The following HPSE2 variants were observed in gnomAD, a reference collection of about 807,000 sequenced individuals.
HPSE2 encodes the protein inactive heparanase-2.
In HPSE2, 38 loss-of-function variants were observed where a neutral mutation model predicts 60.5. That is an observed-to-expected ratio of 0.63 (90% CI 0.48 to 0.82). The LOEUF is 0.82. Among genes scored for constraint, HPSE2 ranks in the 40% least tolerant of loss-of-function variants. The pLI is 0.00. For missense variants in HPSE2, 713 were observed against 740.4 expected (o/e 0.96, Z 0.43); for synonymous variants, 295 against 293.2 (o/e 1.01, Z -0.06).
chr10:98,664,386 G>A (rs1216841933), intron 6 of HPSE2, among the ~76,000 whole-genome samples: 1 of 152,112 alleles, frequency 6.6e-6, no homozygotes, highest in Non-Finnish European at 1.5e-5. Flanking sequence ...ACCTTCTTCT[G>A]CAGGGCCAGT....
At chr10:98,602,927 G>A (rs1471017055) in intron 9 of HPSE2, among the ~76,000 whole-genome samples, 1 of 152,114 alleles carries the variant, frequency 6.6e-6, no homozygotes, top group African/African-American at 2.4e-5. Context: ...CCAAAAAATA[G>A]ATAAATTAGA....
chr10:98,799,715 C>A (rs1950862830), intron 3 of HPSE2, among the ~76,000 whole-genome samples: 1 of 150,994 alleles, frequency 6.6e-6, no homozygotes, highest in African/African-American at 2.4e-5. Flanking sequence ...AAGAAAATTG[C>A]AAAATTTCTT....
intron 3 of HPSE2, among the ~76,000 whole-genome samples, chr10:99,005,273 A>G (rs1956865843): frequency 7.1e-6 from 1 of 139,956 alleles, no homozygotes; most frequent in Admixed American, 7.1e-5. Context: ...CTCTTCTTGA[A>G]ATCCTATAAC....
chr10:98,855,045 A>G (rs926561510), intron 3 of HPSE2, among the ~76,000 whole-genome samples: 1 of 152,140 alleles, frequency 6.6e-6, no homozygotes, highest in Non-Finnish European at 1.5e-5. Context: ...AGAGAAAGTT[A>G]AAAAATCTCA....
intron 6 of HPSE2, among the ~76,000 whole-genome samples, chr10:98,687,155 G>T (rs1312375378): frequency 1.3e-5 from 2 of 152,034 alleles, no homozygotes; most frequent in Non-Finnish European, 2.9e-5. Context: ...GTAGCTTAAA[G>T]CAATCCAAAT....
At chr10:98,548,628 A>AT (rs201453158) in intron 9 of HPSE2, among the ~76,000 whole-genome samples, 1 of 151,596 alleles carries the variant, frequency 6.6e-6, no homozygotes. Flanking sequence ...AAAAAAAAAA[A>AT]AAGAAATTTA....
intron 4 of HPSE2, among the ~76,000 whole-genome samples, chr10:98,740,697 A>C (rs1272287768): frequency 6.6e-6 from 1 of 152,206 alleles, no homozygotes; most frequent in African/African-American, 2.4e-5. Context: ...TCTAGAGATA[A>C]AATACTTGTT....
chr10:98,888,172 A>ACACACATG (rs1027260881), intron 3 of HPSE2, among the ~76,000 whole-genome samples: 3 of 149,958 alleles, frequency 2.0e-5, no homozygotes, highest in African/African-American at 7.5e-5. Flanking sequence ...ACACACACAC[A>ACACACATG]CATGCATGAT....
chr10:98,738,282 C>A (rs1949408708), intron 4 of HPSE2, among the ~76,000 whole-genome samples: 1 of 150,790 alleles, frequency 6.6e-6, no homozygotes, highest in Non-Finnish European at 1.5e-5. Context: ...TAGCCATATT[C>A]ATAAAACTGG....
chr10:98,982,335 T>A (rs1956226666), intron 3 of HPSE2, among the ~76,000 whole-genome samples: 1 of 152,098 alleles, frequency 6.6e-6, no homozygotes, highest in Non-Finnish European at 1.5e-5. Flanking sequence ...TTTCAAAACA[T>A]ACACACACAA....
At chr10:99,050,804 G>T (rs553888087) in intron 3 of HPSE2, among the ~76,000 whole-genome samples, 15 of 152,246 alleles carry the variant, frequency 9.9e-5, no homozygotes, top group African/African-American at 3.4e-4. Context: ...TCGAACTCAG[G>T]GAAGCAGAGA....
At chr10:98,635,551 C>T (rs1397888182) in intron 7 of HPSE2, among the ~76,000 whole-genome samples, 1 of 152,048 alleles carries the variant, frequency 6.6e-6, no homozygotes, top group African/African-American at 2.4e-5. Context: ...GTGGCTGGGG[C>T]AGGAGAGTCA....
At chr10:99,193,204 C>T (rs1192714169) in intron 2 of HPSE2, among the ~76,000 whole-genome samples, 1 of 151,980 alleles carries the variant, frequency 6.6e-6, no homozygotes, top group Non-Finnish European at 1.5e-5. Context: ...CAGTGTTAAA[C>T]TGTCATCAGT....
chr10:98,642,705 CT>C (rs1245318254), intron 6 of HPSE2, among the ~76,000 whole-genome samples: 2 of 152,226 alleles, frequency 1.3e-5, no homozygotes, highest in Non-Finnish European at 2.9e-5. Context: ...CTTTGTGAGA[CT>C]CTTTGCTGAA....
chr10:98,995,546 A>G (rs1956624469), intron 3 of HPSE2, among the ~76,000 whole-genome samples: 1 of 152,180 alleles, frequency 6.6e-6, no homozygotes, highest in Non-Finnish European at 1.5e-5. Flanking sequence ...ATAAATTTTT[A>G]AAATATTAAA....
intron 3 of HPSE2, among the ~76,000 whole-genome samples, chr10:98,819,848 T>C (rs1048603269): frequency 3.3e-5 from 5 of 152,090 alleles, no homozygotes; most frequent in Non-Finnish European, 7.4e-5. Flanking sequence ...TTGTGGCGCC[T>C]AGTACTAGCC....
the HPSE2 span, among the ~76,000 whole-genome samples, chr10:99,286,581 T>C: frequency 6.6e-6 from 1 of 152,168 alleles, no homozygotes; most frequent in Non-Finnish European, 1.5e-5. Context: ...ACTTTCAGTA[T>C]GGGGTGATGA....
At chr10:98,495,749 A>G (rs988325624) in intron 9 of HPSE2, among the ~76,000 whole-genome samples, 2 of 151,404 alleles carry the variant, frequency 1.3e-5, no homozygotes. Context: ...CTTTCTCTTT[A>G]CTGATATTCC....
intron 3 of HPSE2, among the ~76,000 whole-genome samples, chr10:99,099,273 A>ATTTTCC (rs1473105584): frequency 7.2e-5 from 11 of 152,220 alleles, no homozygotes; most frequent in Non-Finnish European, 1.5e-4. Flanking sequence ...CGGCACCTGG[A>ATTTTCC]AAATCAGGTC....
Sources: allele counts gnomAD v4.1 joint callset (sites outside exome capture counted in the v4.1 genomes callset), GRCh38; gene constraint gnomAD v4.1.1; transcripts MANE v1.5; gene names NCBI Gene and HGNC (gene_info 2026-07-23, HGNC 2026-07-21).